Variants in EPHA6 observed in about 807,000 individuals in gnomAD.
EPHA6 encodes ephrin type-A receptor 6.
EPHA6 carries 50 observed loss-of-function variants against 112.0 expected under a neutral mutation model. The observed-to-expected ratio is 0.45, with a 90% CI of 0.36 to 0.56. EPHA6 has a LOEUF of 0.56. Among genes scored for constraint, EPHA6 ranks in the 20% least tolerant of loss-of-function variants. The probability of loss-of-function intolerance (pLI) is 0.00; values close to 1 mark genes in which losing one functional copy is unlikely to be tolerated. For synonymous variants in EPHA6, 529 were observed against 490.7 expected (o/e 1.08, Z -1.03); for missense variants, 1,280 against 1,417.4 (o/e 0.90, Z 1.56).
At chr3:96,830,619 A>T (rs1050911879) in intron 1 of EPHA6, among the ~76,000 whole-genome samples, 1 of 152,128 alleles carries the variant, frequency 6.6e-6, no homozygotes, top group African/African-American at 2.4e-5. Flanking sequence ...AATTTCAGGA[A>T]AACTTCTAGA....
At chr3:97,062,876 C>T (rs1040809812) in intron 3 of EPHA6, among the ~76,000 whole-genome samples, 13 of 151,622 alleles carry the variant, frequency 8.6e-5, no homozygotes, top group African/African-American at 1.9e-4. Flanking sequence ...AGTGTGAAAA[C>T]GGACTAATAC....
intron 3 of EPHA6, among the ~76,000 whole-genome samples, chr3:97,099,678 A>G (rs183764791): frequency 1.5e-4 from 23 of 152,040 alleles, no homozygotes; most frequent in Non-Finnish European, 7.4e-5. Context: ...TGCTCATTAA[A>G]AGACCTTCCT....
chr3:96,933,808 A>G (rs968220132), intron 2 of EPHA6, among the ~76,000 whole-genome samples: 2 of 152,128 alleles, frequency 1.3e-5, no homozygotes, highest in African/African-American at 2.4e-5. Flanking sequence ...CTGAGGAATC[A>G]GAGAAGAGAG....
chr3:97,054,855 G>A (rs1317331458), intron 3 of EPHA6, among the ~76,000 whole-genome samples: 2 of 151,780 alleles, frequency 1.3e-5, no homozygotes, highest in African/African-American at 4.8e-5. Context: ...ATTATCATGG[G>A]TACTTTTTTT....
intron 2 of EPHA6, among the ~76,000 whole-genome samples, chr3:96,900,584 T>G (rs2038548752): frequency 6.6e-6 from 1 of 152,168 alleles, no homozygotes; most frequent in Non-Finnish European, 1.5e-5. Flanking sequence ...GAGGGAGCTT[T>G]TGAGGAACAG....
rs1389883687 is a variant in EPHA6 at position 97,012,482 on chromosome 3, C to T, written c.1114+24489C>T. Among the ~76,000 whole-genome samples, 3 of 149,096 alleles carry T rather than the reference C, an allele frequency of 2.0e-5. No individual in the cohort carries two copies. In the East Asian group the frequency reaches 5.9e-4, roughly 29 times the overall value. On this transcript the variant is annotated intron_variant, in intron 3 of 17. Coordinates refer to ENST00000389672, the MANE Select transcript of EPHA6 (RefSeq NM_001080448.3). The stretch of plus-strand genomic sequence containing the variant: ...GGAACTACAAGTGTGTGCCACCTGC[C>T]CAACTAATTATGTATATTCATATAT...
At chr3:97,165,080 C>A (rs1666258937) in intron 3 of EPHA6, among the ~76,000 whole-genome samples, 1 of 152,160 alleles carries the variant, frequency 6.6e-6, no homozygotes, top group African/African-American at 2.4e-5. Flanking sequence ...TGTTACTAGT[C>A]TTCTACATAT....
chr3:97,004,897 A>T (rs905463982), intron 3 of EPHA6, among the ~76,000 whole-genome samples: 4 of 152,000 alleles, frequency 2.6e-5, no homozygotes, highest in Non-Finnish European at 5.9e-5. Context: ...TGTTTTTGTC[A>T]GGTTTGTCAA....
intron 3 of EPHA6, among the ~76,000 whole-genome samples, chr3:97,005,111 C>A (rs990374539): frequency 6.6e-6 from 1 of 152,132 alleles, no homozygotes; most frequent in South Asian, 2.1e-4. Context: ...TCTTTGATTC[C>A]ATATGAAATT....
rs780377207 is a variant in EPHA6 at position 96,988,015 on chromosome 3, A to C, written c.1114+22A>C. Reference sequence around the variant, plus strand: ...CATGGTAAGAAACAAACATTTAAATAATTTATCTTGCATTTAAATGATTTT... The same window carrying C: ...CATGGTAAGAAACAAACATTTAAATCATTTATCTTGCATTTAAATGATTTT... On this transcript the variant is annotated intron_variant, in intron 3 of 17. Transcript: ENST00000389672. 12 of 1,512,860 alleles carry C rather than the reference A, an allele frequency of 7.9e-6. No homozygotes were observed. The South Asian group carries it at 1.6e-4, about 20-fold the overall frequency. The allele number at this position is 1,512,860 out of a possible 1,614,324, so 93.7% of individuals were successfully genotyped here. A position where few individuals can be genotyped will look rare whatever the true frequency, so the allele number is the denominator to read the frequency against.
At chr3:97,620,965 TATATTCATTGCAGCA>T (rs1369030884) in intron 13 of EPHA6, among the ~76,000 whole-genome samples, 1 of 152,042 alleles carries the variant, frequency 6.6e-6, no homozygotes, top group Non-Finnish European at 1.5e-5. Flanking sequence ...CACGCATGCA[TATATTCATTGCAGCA>T]CTATACAAAA....
At chr3:97,714,075 A>C (rs1163316726) in intron 14 of EPHA6, among the ~76,000 whole-genome samples, 1 of 152,150 alleles carries the variant, frequency 6.6e-6, no homozygotes, top group Non-Finnish European at 1.5e-5. Context: ...CTGACTCCTA[A>C]AATCTGCTGT....
intron 5 of EPHA6, among the ~76,000 whole-genome samples, chr3:97,400,690 A>T (rs546817135): frequency 6.6e-6 from 1 of 151,668 alleles, no homozygotes; most frequent in African/African-American, 2.4e-5. Context: ...TGTTGCAGCT[A>T]TTTTAAATGG....
chr3:97,624,522 G>A (rs1357853585), intron 13 of EPHA6, among the ~76,000 whole-genome samples: 2 of 151,524 alleles, frequency 1.3e-5, no homozygotes, highest in South Asian at 2.1e-4. Context: ...GGGGTTTTTT[G>A]TAGTGTCTTT....
At chr3:97,081,321 T>C (rs1349762146) in intron 3 of EPHA6, among the ~76,000 whole-genome samples, 1 of 151,848 alleles carries the variant, frequency 6.6e-6, no homozygotes, top group Non-Finnish European at 1.5e-5. Context: ...TGTAAAAGGA[T>C]TTTATAAATT....
At chr3:97,595,593 C>T (rs1489415121) in intron 12 of EPHA6, among the ~76,000 whole-genome samples, 1 of 151,272 alleles carries the variant, frequency 6.6e-6, no homozygotes, top group African/African-American at 2.4e-5. Context: ...TGCAGTGAGC[C>T]GAGATGGTGC....
At chr3:97,407,797 A>C (rs893242896) in intron 6 of EPHA6, among the ~76,000 whole-genome samples, 2 of 151,898 alleles carry the variant, frequency 1.3e-5, no homozygotes, top group Admixed American at 6.6e-5. Context: ...CCATTCTTAT[A>C]ATGAGGGAAC....
At chr3:96,949,252 C>A (rs1447428458) in intron 2 of EPHA6, among the ~76,000 whole-genome samples, 2 of 151,774 alleles carry the variant, frequency 1.3e-5, no homozygotes, top group Non-Finnish European at 2.9e-5. Flanking sequence ...TAACTTAAAT[C>A]TTAAAAACAA....
intron 5 of EPHA6, among the ~76,000 whole-genome samples, chr3:97,290,527 G>T (rs569230274): frequency 6.6e-6 from 1 of 152,186 alleles, no homozygotes; most frequent in East Asian, 1.9e-4. Flanking sequence ...CTGTTAGTAG[G>T]GTATTGAAAC....
Sources: allele counts gnomAD v4.1 joint callset (sites outside exome capture counted in the v4.1 genomes callset), GRCh38; gene constraint gnomAD v4.1.1; transcripts MANE v1.5; gene names NCBI Gene and HGNC (gene_info 2026-07-23, HGNC 2026-07-21).